Variants in CSMD2 observed in about 807,000 individuals in gnomAD.
CSMD2 encodes the protein CUB and Sushi multiple domains 2.
A neutral mutation model predicts 398.5 loss-of-function variants in CSMD2; 130 were observed. The observed-to-expected ratio is 0.33, with a 90% CI of 0.28 to 0.38. CSMD2 has a LOEUF of 0.38. Among genes scored for constraint, CSMD2 ranks in the 10% least tolerant of loss-of-function variants. The pLI is 1.00. For synonymous variants in CSMD2, 1,828 were observed against 1,908.5 expected (o/e 0.96, Z 1.10); for missense variants, 3,829 against 4,764.9 (o/e 0.80, Z 5.78).
intron 5 of CSMD2, among the ~76,000 whole-genome samples, chr1:33,891,405 G>C (rs1434050496): frequency 1.3e-5 from 2 of 150,898 alleles, no homozygotes; most frequent in Non-Finnish European, 3.0e-5. Flanking sequence ...AACAACAGGT[G>C]CTGGAGAGGA....
chr1:34,129,710 C>T (rs1663133596), intron 1 of CSMD2, among the ~76,000 whole-genome samples: 2 of 152,212 alleles, frequency 1.3e-5, no homozygotes, highest in Non-Finnish European at 2.9e-5. Context: ...ATTGCATCCT[C>T]ACCACTGCCC....
At chr1:33,961,812 G>C (rs565115158) in intron 3 of CSMD2, among the ~76,000 whole-genome samples, 61 of 152,100 alleles carry the variant, frequency 4.0e-4, no homozygotes, top group Non-Finnish European at 7.5e-4. Context: ...ATGACTGTAA[G>C]CTTCCTGAGG....
chr1:33,577,206 C>T (rs1638326063), intron 49 of CSMD2, 90 bp downstream of exon 49: 1 of 1,204,506 alleles, frequency 8.3e-7, no homozygotes, highest in Non-Finnish European at 1.2e-6. Flanking sequence ...AAGAGGAAAC[C>T]CACATTTGGA....
chr1:33,616,878 A>G (rs778804828), intron 39 of CSMD2, 28 bp downstream of exon 39: 2 of 1,592,994 alleles, frequency 1.3e-6, no homozygotes, highest in East Asian at 2.2e-5. Context: ...ATTGGTTGGA[A>G]TGAATTGTAA....
intron 12 of CSMD2, among the ~76,000 whole-genome samples, chr1:33,773,176 A>G (rs1346123863): frequency 2.0e-5 from 3 of 151,888 alleles, no homozygotes. Context: ...CTGACCTTGC[A>G]TCTGAACTGC....
intron 5 of CSMD2, among the ~76,000 whole-genome samples, chr1:33,916,762 T>C (rs1643743099): frequency 6.6e-6 from 1 of 152,190 alleles, no homozygotes; most frequent in African/African-American, 2.4e-5. Context: ...TTTATCCCTC[T>C]TAAATATTTA....
intron 3 of CSMD2, among the ~76,000 whole-genome samples, chr1:33,969,099 T>C (rs1054942392): frequency 2.0e-5 from 3 of 152,080 alleles, no homozygotes; most frequent in Non-Finnish European, 4.4e-5. Context: ...GTCAGTGAGA[T>C]CATAGGAGAA....
chr1:33,868,780 T>C (rs1166055217), intron 5 of CSMD2, among the ~76,000 whole-genome samples: 1 of 152,038 alleles, frequency 6.6e-6, no homozygotes, highest in Non-Finnish European at 1.5e-5. Flanking sequence ...ATATATCGAA[T>C]CAGTTTTTGA....
At chr1:34,071,254 A>G (rs1269621961) in intron 2 of CSMD2, among the ~76,000 whole-genome samples, 3 of 152,246 alleles carry the variant, frequency 2.0e-5, no homozygotes, top group Admixed American at 6.5e-5. Context: ...GCAAGATGCT[A>G]GGGGCATCAC....
chr1:34,008,587 CAGAA>C (rs1242600933), intron 3 of CSMD2, among the ~76,000 whole-genome samples: 2 of 152,328 alleles, frequency 1.3e-5, no homozygotes, highest in South Asian at 4.1e-4. Context: ...TTCTGTTCAA[CAGAA>C]CTAAGGAGAA....
At chr1:33,643,788 G>A (rs1571060090) in intron 29 of CSMD2, among the ~76,000 whole-genome samples, 2 of 152,112 alleles carry the variant, frequency 1.3e-5, no homozygotes, top group East Asian at 3.9e-4. Flanking sequence ...AGACCAGAGG[G>A]TAAGGTAGGG....
At chr1:33,918,447 T>C in intron 4 of CSMD2, 146 bp from the exon 5 acceptor site, 1 of 709,360 alleles carries the variant, frequency 1.4e-6, no homozygotes, top group Non-Finnish European at 2.3e-6. Flanking sequence ...GCAAATGACT[T>C]TGTTTGGACA....
At chr1:33,765,374 A>C (rs1557860364) in intron 13 of CSMD2, among the ~76,000 whole-genome samples, 1 of 152,154 alleles carries the variant, frequency 6.6e-6, no homozygotes, top group Non-Finnish European at 1.5e-5. Flanking sequence ...CTAAGATAGA[A>C]ATAGAGCAGC....
chr1:33,833,159 C>T (rs1370768889), intron 6 of CSMD2, among the ~76,000 whole-genome samples: 1 of 54,790 alleles, frequency 1.8e-5, no homozygotes, highest in Non-Finnish European at 2.8e-5. Flanking sequence ...TATGAGGCCG[C>T]CTCATACCTG....
At chr1:33,772,470 CCTG>C in intron 13 of CSMD2, 96 bp downstream of exon 13, 3 of 1,038,226 alleles carry the variant, frequency 2.9e-6, no homozygotes, top group Non-Finnish European at 4.3e-6. Context: ...GTTGTTACAA[CCTG>C]CAAGGTTCCC....
intron 48 of CSMD2, 59 bp downstream of exon 48, chr1:33,580,694 G>A: frequency 6.3e-7 from 1 of 1,598,120 alleles, no homozygotes; most frequent in Non-Finnish European, 8.5e-7. Flanking sequence ...TCTCCACAGA[G>A]GAGCTTGAGG....
intron 55 of CSMD2, among the ~76,000 whole-genome samples, chr1:33,554,032 T>C (rs1207184344): frequency 6.6e-6 from 1 of 152,080 alleles, no homozygotes; most frequent in African/African-American, 2.4e-5. Context: ...TTATGACGTT[T>C]AAGGAAAGAG....
At chr1:33,596,135 C>T (rs532911643) in intron 44 of CSMD2, among the ~76,000 whole-genome samples, 4 of 152,306 alleles carry the variant, frequency 2.6e-5, no homozygotes, top group East Asian at 1.9e-4. Flanking sequence ...TTAACGTATT[C>T]GATCAGTCAC....
intron 10 of CSMD2, among the ~76,000 whole-genome samples, chr1:33,792,929 T>C (rs1297392823): frequency 1.3e-5 from 2 of 152,242 alleles, no homozygotes; most frequent in Non-Finnish European, 2.9e-5. Context: ...CAGAAGTTTC[T>C]CTCGTCTTCT....
Sources: gnomAD v4.1 joint callset for allele counts (sites outside exome capture counted in the v4.1 genomes callset) on GRCh38, gnomAD v4.1.1 for gene constraint, MANE v1.5 for transcripts, NCBI Gene and HGNC (gene_info 2026-07-23, HGNC 2026-07-21) for gene names.